The following MGA variants were observed in gnomAD, a reference collection of about 807,000 sequenced individuals.
The protein encoded by MGA is MAX dimerization protein MGA, also known as MAX gene-associated protein.
MGA carries 40 observed loss-of-function variants against 261.1 expected under a neutral mutation model. The ratio of observed to expected loss-of-function variants is 0.15; its 90% CI spans 0.12 to 0.20. MGA has a LOEUF of 0.20. Among genes scored for constraint, MGA ranks in the 10% least tolerant of loss-of-function variants. The pLI is 1.00. For synonymous variants in MGA, 1,302 were observed against 1,290.6 expected (o/e 1.01, Z -0.19); for missense variants, 3,397 against 3,630.5 (o/e 0.94, Z 1.65).
chr15:41,732,321 G>A (rs975973659), intron 11 of MGA, among the ~76,000 whole-genome samples: 4 of 151,892 alleles, frequency 2.6e-5, no homozygotes, highest in African/African-American at 9.7e-5. Flanking sequence ...CTAATTTTTT[G>A]TATTTTTTAG....
chr15:41,673,945 G>T (rs888679379), intron 2 of MGA, among the ~76,000 whole-genome samples: 1 of 152,044 alleles, frequency 6.6e-6, no homozygotes, highest in Non-Finnish European at 1.5e-5. Context: ...AGGCTGAAGC[G>T]CAGTGGCGCG....
At chr15:41,764,791 G>A (rs2063712157) in intron 22 of MGA, 95 bp from the exon 23 acceptor site, 4 of 1,254,320 alleles carry the variant, frequency 3.2e-6, no homozygotes, top group African/African-American at 1.5e-5. Flanking sequence ...TGATCTGCCT[G>A]CCTCAGCCTC....
Position 41,696,644 on chromosome 15 carries a change from T to C in MGA, c.1634T>C (p.Leu545Ser). The change falls in exon 3 of 24, where the codon TTA (leucine) becomes TCA (serine). Residue 545 changes from leucine (L) to serine (S), a missense_variant. This residue lies in a region of MGA where 563 missense variants were observed against 563.6 expected (regional missense o/e 1.00). Coordinates refer to ENST00000219905, the MANE Select transcript of MGA (RefSeq NM_001164273.2). ...CTCAGAGTGGTACAAAAATATCCCT[T>C]ACTGAAAGAGCCTCAGTGGAAATAT... 6.2e-7 allele frequency: 1 copy of C among 1,613,304 alleles called. No homozygotes were observed. Among genetic ancestry groups the C allele is most frequent in the Non-Finnish European group, 8.5e-7 (1 of 1,179,576 alleles).
chr15:41,708,143 A>C lies in MGA; in HGVS notation c.2360A>C (p.Asn787Thr). ...TTTGTTTCTAGGACAGGGAAAACCA[A>C]TGATTTCACTAAGATCAAGGGATGG... Residue 787 changes from asparagine to threonine, a missense_variant, in exon 7 of 24, where the codon AAT (asparagine) becomes ACT (threonine). Around this residue, in one of 9 missense-constraint regions of MGA, gnomAD observed 519 missense variants for 554.1 expected, o/e 0.94. Transcript: ENST00000219905. 1.2e-6 allele frequency: 2 copies of C among 1,601,082 alleles called. No homozygotes were observed. Among genetic ancestry groups the C allele is most frequent in the Non-Finnish European group, 1.7e-6 (2 of 1,173,416 alleles).
At chr15:41,706,654 C>T (rs908484411) in intron 5 of MGA, among the ~76,000 whole-genome samples, 1 of 148,394 alleles carries the variant, frequency 6.7e-6, no homozygotes, top group Admixed American at 6.9e-5. Context: ...CATCTCGGCT[C>T]CTTGCAATCT....
chr15:41,743,443 G>A (rs1038266422), intron 15 of MGA, among the ~76,000 whole-genome samples: 2 of 152,200 alleles, frequency 1.3e-5, no homozygotes, highest in Non-Finnish European at 1.5e-5. Context: ...AACCTTGAGA[G>A]ATAACTTGAA....
intron 1 of MGA, among the ~76,000 whole-genome samples, chr15:41,649,838 C>T (rs533727765): frequency 1.3e-5 from 2 of 152,150 alleles, no homozygotes; most frequent in African/African-American, 4.8e-5. Context: ...CGCCACCACA[C>T]CTGGCTAATT....
At chr15:41,748,954 T>A (rs79621646) in intron 16 of MGA, 27 bp downstream of exon 16, 90 of 1,604,510 alleles carry the variant, frequency 5.6e-5, no homozygotes, top group Non-Finnish European at 7.0e-5. Flanking sequence ...TATGAACTTT[T>A]CTTTTGTTGA....
Position 41,696,902 on chromosome 15 carries a change from A to G in MGA, c.1892A>G (p.Asn631Ser). 1 of 1,599,276 alleles carries G rather than the reference A, an allele frequency of 6.3e-7. No homozygotes were observed. The highest frequency in any genetic ancestry group is 8.5e-7 in the Non-Finnish European group (1 of 1,172,520). Reference sequence around the variant, plus strand: ...TGTAAGGCAGGACGACCACCTAAGAACACAGGAAAGTCTTTAATTTCTACA... The same window carrying G: ...TGTAAGGCAGGACGACCACCTAAGAGCACAGGAAAGTCTTTAATTTCTACA... Residue 631 changes from asparagine to serine, a missense_variant, in exon 3 of 24, where the codon AAC becomes AGC. Coordinates refer to ENST00000219905, the MANE Select transcript of MGA (RefSeq NM_001164273.2).
At chr15:41,762,686 C>T (rs1437268277) in intron 22 of MGA, among the ~76,000 whole-genome samples, 3 of 151,950 alleles carry the variant, frequency 2.0e-5, no homozygotes, top group African/African-American at 7.3e-5. Flanking sequence ...CCAGGCTAGT[C>T]TCAAACTCTT....
chr15:41,696,025 TAATGGATCA>T, intron 2 of MGA, 41 bp from the exon 3 acceptor site: 1 of 1,313,134 alleles, frequency 7.6e-7, no homozygotes, highest in Middle Eastern at 1.9e-4. Context: ...CAAGTCTTGT[TAATGGATCA>T]TTTTGTACTT....
intron 10 of MGA, among the ~76,000 whole-genome samples, chr15:41,728,870 TTACTA>T (rs2061373975): frequency 6.6e-6 from 1 of 152,242 alleles, no homozygotes; most frequent in Admixed American, 6.5e-5. Context: ...TTTATTGTAT[TTACTA>T]AAGTATCAGT....
chr15:41,669,536 G>A lies in MGA; in HGVS notation c.642G>A (p.Glu214=), dbSNP rs2057933673. 4 of 1,613,902 alleles carry A rather than the reference G, an allele frequency of 2.5e-6. No homozygotes were observed. Reference sequence around the variant, plus strand: ...TGGTGCCTGCAGAAAAGGCTGTGGAGGTGATACAATTAAATGGCCCTGGTG... The same window carrying A: ...TGGTGCCTGCAGAAAAGGCTGTGGAAGTGATACAATTAAATGGCCCTGGTG... Residue 214 remains glutamate (E), a synonymous_variant, in exon 2 of 24, where the codon GAG becomes GAA. Coordinates refer to ENST00000219905, the MANE Select transcript of MGA (RefSeq NM_001164273.2).
At chr15:41,714,124 G>A (rs1170482617) in intron 9 of MGA, among the ~76,000 whole-genome samples, 1 of 152,098 alleles carries the variant, frequency 6.6e-6, no homozygotes, top group African/African-American at 2.4e-5. Context: ...ATTGAAACAG[G>A]TTTCTTAGTT....
chr15:41,677,007 C>T (rs2058421353), intron 2 of MGA, among the ~76,000 whole-genome samples: 1 of 152,182 alleles, frequency 6.6e-6, no homozygotes, highest in African/African-American at 2.4e-5. Flanking sequence ...GATTATGTTC[C>T]CTCTTAAAAT....
At chr15:41,739,024 A>G (rs2061946341) in intron 13 of MGA, among the ~76,000 whole-genome samples, 1 of 152,132 alleles carries the variant, frequency 6.6e-6, no homozygotes. Context: ...CGATTTTGAA[A>G]TGGTGAAAAG....
upstream of MGA, among the ~76,000 whole-genome samples, chr15:41,658,460 AAAAG>A (rs2057253675): frequency 6.6e-6 from 1 of 152,126 alleles, no homozygotes; most frequent in Non-Finnish European, 1.5e-5. Flanking sequence ...CAAAAAATAA[AAAAG>A]AAAAACAAGC....
upstream of MGA, among the ~76,000 whole-genome samples, chr15:41,656,961 TGG>T: frequency 6.6e-6 from 1 of 152,074 alleles, no homozygotes; most frequent in East Asian, 1.9e-4. Flanking sequence ...TTTGCAGAGA[TGG>T]GTTCTCACTA....
intron 16 of MGA, 23 bp downstream of exon 16, chr15:41,748,950 CT>C (rs1160359980): frequency 1.2e-6 from 2 of 1,605,754 alleles, no homozygotes; most frequent in Admixed American, 1.7e-5. Context: ...TTTTTATGAA[CT>C]TTTCTTTTGT....
Sources: gnomAD v4.1 joint callset for allele counts (sites outside exome capture counted in the v4.1 genomes callset) on GRCh38, gnomAD v4.1.1 for gene constraint, gnomAD v4.1.1 regional missense constraint, MANE v1.5 for transcripts, NCBI Gene and HGNC (gene_info 2026-07-23, HGNC 2026-07-21) for gene names.